Variants in GRID2 observed in about 807,000 individuals in gnomAD.
The protein encoded by GRID2 is glutamate receptor ionotropic, delta-2.
In GRID2, 33 loss-of-function variants were observed where a neutral mutation model predicts 114.8. The observed-to-expected ratio is 0.29, with a 90% CI of 0.22 to 0.38. The LOEUF (loss-of-function observed/expected upper bound fraction) is 0.38. GRID2 is among the 10% of genes least tolerant of loss of function. The pLI, the probability that GRID2 is intolerant of heterozygous loss-of-function variation, is 1.00. For missense variants in GRID2, 1,184 were observed against 1,257.7 expected (o/e 0.94, Z 0.89); for synonymous variants, 505 against 449.9 (o/e 1.12, Z -1.55).
At chr4:93,474,200 G>T (rs531223528) in intron 11 of GRID2, among the ~76,000 whole-genome samples, 4 of 152,098 alleles carry the variant, frequency 2.6e-5, no homozygotes, top group Non-Finnish European at 4.4e-5. Context: ...AAATGCATTT[G>T]TTGAGTTATC....
At chr4:93,131,145 A>ATTTTTTTTTTTTTTT (rs34215461) in intron 4 of GRID2, among the ~76,000 whole-genome samples, 1,485 of 88,656 alleles carry the variant, frequency 0.017, 134 homozygotes, top group East Asian at 0.042. Flanking sequence ...AGATTAAATA[A>ATTTTTTTTTTTTTTT]TTTTTTTTTT....
intron 8 of GRID2, among the ~76,000 whole-genome samples, chr4:93,272,434 C>G (rs1751563839): frequency 6.6e-6 from 1 of 152,116 alleles, no homozygotes; most frequent in South Asian, 2.1e-4. Context: ...GGTGGGTGCA[C>G]TTTCAAAAAG....
chr4:93,091,901 A>G (rs1730825473), intron 3 of GRID2, among the ~76,000 whole-genome samples: 2 of 152,162 alleles, frequency 1.3e-5, no homozygotes, highest in Admixed American at 6.6e-5. Flanking sequence ...GGAAAAAGAA[A>G]GAAGTGTTTT....
At chr4:93,759,806 A>G (rs976199702) in intron 14 of GRID2, among the ~76,000 whole-genome samples, 2 of 152,222 alleles carry the variant, frequency 1.3e-5, no homozygotes, top group African/African-American at 4.8e-5. Flanking sequence ...ATGTTTGTAA[A>G]TGGATACAGT....
chr4:92,932,591 C>T (rs528236888), intron 2 of GRID2, among the ~76,000 whole-genome samples: 3 of 151,334 alleles, frequency 2.0e-5, no homozygotes, highest in East Asian at 3.9e-4. Flanking sequence ...ATCATATGTC[C>T]ACCAAAATAC....
Position 92,380,644 on chromosome 4 carries a change from C to T in GRID2, c.88+75900C>T, listed in dbSNP as rs528549737. On this transcript the variant is annotated intron_variant, in intron 1 of 15. Transcript: ENST00000282020. ...TATAGATTAATACAAATTAGTTCTT[C>T]GTTGAAATCCTTTTGTTTTTGTTTT... Among the ~76,000 whole-genome samples the T allele has an allele frequency of 1.6e-3, 239 of 152,008 alleles. 1 individual carries two copies. Among genetic ancestry groups the T allele is most frequent in the Non-Finnish European group, 2.4e-3 (160 of 67,894 alleles).
intron 5 of GRID2, among the ~76,000 whole-genome samples, chr4:93,213,343 A>G (rs538255341): frequency 6.6e-6 from 1 of 152,278 alleles, no homozygotes; most frequent in African/African-American, 2.4e-5. Context: ...AATACAAACA[A>G]ATAAGAAACA....
intron 1 of GRID2, among the ~76,000 whole-genome samples, chr4:92,443,405 G>C (rs1462017684): frequency 1.3e-5 from 2 of 151,988 alleles, no homozygotes; most frequent in African/African-American, 4.8e-5. Context: ...CAGGCCAAGG[G>C]AGTAGAAGGA....
chr4:93,335,705 T>A (rs1759000252), intron 8 of GRID2, among the ~76,000 whole-genome samples: 1 of 151,554 alleles, frequency 6.6e-6, no homozygotes, highest in Non-Finnish European at 1.5e-5. Context: ...TTTTTTTTTT[T>A]TGAGACAGGG....
chr4:93,251,828 G>A (rs941074934), intron 8 of GRID2, among the ~76,000 whole-genome samples: 1 of 152,122 alleles, frequency 6.6e-6, no homozygotes, highest in African/African-American at 2.4e-5. Flanking sequence ...TCCCTGGAAA[G>A]GATATGATCT....
intron 2 of GRID2, among the ~76,000 whole-genome samples, chr4:92,731,098 A>C (rs1736307964): frequency 6.6e-6 from 1 of 151,930 alleles, no homozygotes. Context: ...TCTGAGAAAA[A>C]GTTCCAATTA....
chr4:93,415,934 TGTATC>T (rs1212410860), intron 9 of GRID2, among the ~76,000 whole-genome samples: 7 of 151,996 alleles, frequency 4.6e-5, no homozygotes, highest in African/African-American at 9.7e-5. Flanking sequence ...CATTTGTAAT[TGTATC>T]TTATTGTCTG....
intron 8 of GRID2, among the ~76,000 whole-genome samples, chr4:93,308,382 C>T (rs1248463789): frequency 1.3e-5 from 2 of 152,126 alleles, no homozygotes; most frequent in African/African-American, 4.8e-5. Context: ...AGTTCACATT[C>T]ATTTCCGTGA....
chr4:92,431,122 C>T (rs1419258887), intron 1 of GRID2, among the ~76,000 whole-genome samples: 1 of 152,150 alleles, frequency 6.6e-6, no homozygotes, highest in African/African-American at 2.4e-5. Context: ...ATTGCTCTAG[C>T]TAGCACTTCC....
intron 1 of GRID2, among the ~76,000 whole-genome samples, chr4:92,433,729 T>G (rs1237922393): frequency 6.6e-6 from 1 of 152,222 alleles, no homozygotes; most frequent in Admixed American, 6.5e-5. Flanking sequence ...GGAGGTGCTT[T>G]CTTATGTAGA....
intron 13 of GRID2, among the ~76,000 whole-genome samples, chr4:93,542,181 C>A (rs1732715152): frequency 6.6e-6 from 1 of 152,132 alleles, no homozygotes; most frequent in South Asian, 2.1e-4. Context: ...AGACAATCTT[C>A]AAAGACCTTG....
At chr4:93,465,507 G>A (rs563522880) in intron 11 of GRID2, among the ~76,000 whole-genome samples, 1 of 152,176 alleles carries the variant, frequency 6.6e-6, no homozygotes, top group South Asian at 2.1e-4. Flanking sequence ...TTAACCTCTA[G>A]GTGACTCAGT....
At position 93,793,016 on chromosome 4, in the gene GRID2, A is replaced by G. The variant is rs115918915; in HGVS notation, c.222-13699A>G. 4.1e-3 allele frequency among the ~76,000 whole-genome samples: 631 copies of G among 152,344 alleles called. 2 individuals carry two copies. The highest frequency in any genetic ancestry group is 7.0e-3 in the Non-Finnish European group (478 of 68,036). Reference sequence around the variant, plus strand: ...AGTTTAGCCATAGTCCTTTATAAGTATCTTTTTAACCTATTTTTCAATGGA... The same window carrying G: ...AGTTTAGCCATAGTCCTTTATAAGTGTCTTTTTAACCTATTTTTCAATGGA... On this transcript the variant is annotated intron_variant, in intron 1 of 1. Coordinates refer to the GRID2 transcript ENST00000637838.
intron 14 of GRID2, among the ~76,000 whole-genome samples, chr4:93,676,304 T>C (rs1002950647): frequency 1.3e-5 from 2 of 152,180 alleles, no homozygotes; most frequent in African/African-American, 2.4e-5. Context: ...TAAATGGAAA[T>C]GTGAAAAAAT....
Sources: gnomAD v4.1 joint callset for allele counts (sites outside exome capture counted in the v4.1 genomes callset) on GRCh38, gnomAD v4.1.1 for gene constraint, MANE v1.5 for transcripts, NCBI Gene and HGNC (gene_info 2026-07-23, HGNC 2026-07-21) for gene names.